PPP1R1C: variants seen among roughly 807,000 people sequenced by gnomAD.
The protein encoded by PPP1R1C is protein phosphatase 1 regulatory inhibitor subunit 1C.
A neutral mutation model predicts 17.4 loss-of-function variants in PPP1R1C; 15 were observed. The observed-to-expected ratio is 0.86, with a 90% CI of 0.58 to 1.33. The LOEUF (loss-of-function observed/expected upper bound fraction) is 1.33. Ranked by LOEUF, PPP1R1C falls within the 40% of genes most tolerant of loss-of-function variation. PPP1R1C has a pLI of 0.00. For synonymous variants in PPP1R1C, 35 were observed against 43.1 expected (o/e 0.81, Z 0.73); for missense variants, 143 against 130.0 (o/e 1.10, Z -0.48).
intron 2 of PPP1R1C, among the ~76,000 whole-genome samples, chr2:182,004,834 A>C (rs1363674327): frequency 6.6e-6 from 1 of 152,204 alleles, no homozygotes; most frequent in Non-Finnish European, 1.5e-5. Flanking sequence ...GATTTATTGG[A>C]TGGCAAAATT....
chr2:182,054,466 G>T (rs552646549), intron 2 of PPP1R1C, among the ~76,000 whole-genome samples: 1 of 151,882 alleles, frequency 6.6e-6, no homozygotes, highest in African/African-American at 2.4e-5. Context: ...CACTATTCTT[G>T]ATCCCTGGCA....
chr2:182,118,489 A>G (rs535862665), downstream of PPP1R1C, among the ~76,000 whole-genome samples: 2 of 152,324 alleles, frequency 1.3e-5, no homozygotes, highest in Admixed American at 1.3e-4. Context: ...ATAAAAAATA[A>G]AAAGATTTCT....
At chr2:182,003,271 C>T (rs1162381941) in intron 2 of PPP1R1C, among the ~76,000 whole-genome samples, 2 of 152,140 alleles carry the variant, frequency 1.3e-5, no homozygotes, top group East Asian at 3.9e-4. Context: ...ACAACTATAA[C>T]ACTTAGATTT....
intron 1 of PPP1R1C, among the ~76,000 whole-genome samples, chr2:181,973,792 T>C (rs766042533): frequency 6.6e-6 from 1 of 152,216 alleles, no homozygotes; most frequent in African/African-American, 2.4e-5. Flanking sequence ...GAATACAGCA[T>C]GTAATGTATG....
chr2:181,963,985 A>G (rs1414874573), intron 1 of PPP1R1C, among the ~76,000 whole-genome samples: 2 of 152,138 alleles, frequency 1.3e-5, no homozygotes, highest in African/African-American at 4.8e-5. Flanking sequence ...ACTTTTAGTT[A>G]TTTTAAATGT....
At chr2:182,113,780 T>C (rs1052029416) in intron 4 of PPP1R1C, among the ~76,000 whole-genome samples, 1 of 152,218 alleles carries the variant, frequency 6.6e-6, no homozygotes, top group South Asian at 2.1e-4. Flanking sequence ...CTCTTTGCCA[T>C]TCATGTCATC....
chr2:181,966,719 G>C (rs952614060), intron 1 of PPP1R1C, among the ~76,000 whole-genome samples: 1 of 152,064 alleles, frequency 6.6e-6, no homozygotes, highest in African/African-American at 2.4e-5. Flanking sequence ...CTAGTATTTT[G>C]TTAAGGGTTT....
intron 1 of PPP1R1C, among the ~76,000 whole-genome samples, chr2:181,959,784 G>A (rs1049469792): frequency 2.6e-5 from 4 of 152,146 alleles, no homozygotes; most frequent in African/African-American, 9.7e-5. Flanking sequence ...AAAGCTTTGA[G>A]CAGTATGCCT....
At chr2:182,033,567 C>A (rs1368185438) in intron 2 of PPP1R1C, among the ~76,000 whole-genome samples, 3 of 152,158 alleles carry the variant, frequency 2.0e-5, no homozygotes, top group Admixed American at 2.0e-4. Flanking sequence ...AAATATTTCT[C>A]AAATGTGGCC....
At chr2:182,073,175 G>T (rs968778793) in intron 4 of PPP1R1C, among the ~76,000 whole-genome samples, 181 of 152,300 alleles carry the variant, frequency 1.2e-3, no homozygotes, top group Non-Finnish European at 1.8e-3. Context: ...TTTTAGCTGT[G>T]CTTCTTTGAG....
intron 4 of PPP1R1C, among the ~76,000 whole-genome samples, chr2:182,101,506 A>T (rs1326929041): frequency 6.6e-6 from 1 of 152,152 alleles, no homozygotes; most frequent in East Asian, 1.9e-4. Context: ...ATAAAGCATG[A>T]AAGGGAACTC....
At chr2:182,047,841 A>T (rs1456757651) in intron 2 of PPP1R1C, among the ~76,000 whole-genome samples, 1 of 152,196 alleles carries the variant, frequency 6.6e-6, no homozygotes, top group Non-Finnish European at 1.5e-5. Context: ...TATGAAATAT[A>T]AGCAGAAAGG....
At chr2:182,111,812 A>G (rs549495196) in intron 4 of PPP1R1C, among the ~76,000 whole-genome samples, 1 of 152,116 alleles carries the variant, frequency 6.6e-6, no homozygotes, top group East Asian at 1.9e-4. Flanking sequence ...TAGGGTGCCA[A>G]TACTCAAGGA....
chr2:182,120,486 TC>T, downstream of PPP1R1C, among the ~76,000 whole-genome samples: 1 of 152,298 alleles, frequency 6.6e-6, no homozygotes, highest in Middle Eastern at 3.4e-3. Flanking sequence ...TCACCACCGA[TC>T]CCCTGACTTT....
intron 2 of PPP1R1C, among the ~76,000 whole-genome samples, chr2:182,029,181 G>T (rs1686728195): frequency 6.8e-6 from 1 of 148,068 alleles, no homozygotes. Flanking sequence ...GCCAGTCTGT[G>T]TCTTTTAATT....
intron 2 of PPP1R1C, among the ~76,000 whole-genome samples, chr2:182,006,143 A>G (rs1281913764): frequency 6.6e-6 from 1 of 152,140 alleles, no homozygotes; most frequent in Non-Finnish European, 1.5e-5. Flanking sequence ...GGGTCCCCAA[A>G]GATCAGTAGT....
intron 2 of PPP1R1C, among the ~76,000 whole-genome samples, chr2:181,992,796 TA>T (rs140631241): frequency 0.042 from 3,353 of 80,748 alleles, 739 homozygotes; most frequent in African/African-American, 0.14. Context: ...AAATCAAGAA[TA>T]AAAACAAAGG....
intron 1 of PPP1R1C, among the ~76,000 whole-genome samples, chr2:181,971,349 G>A (rs954958989): frequency 6.6e-6 from 1 of 152,166 alleles, no homozygotes; most frequent in African/African-American, 2.4e-5. Context: ...TCGAGGGTGT[G>A]TCTAGAAATG....
intron 2 of PPP1R1C, among the ~76,000 whole-genome samples, chr2:182,056,134 T>G (rs1687677966): frequency 6.6e-6 from 1 of 152,194 alleles, no homozygotes; most frequent in African/African-American, 2.4e-5. Context: ...GACCACTTTC[T>G]CCCGTCTCGC....
Sources: gnomAD v4.1 joint callset for allele counts (sites outside exome capture counted in the v4.1 genomes callset) on GRCh38, gnomAD v4.1.1 for gene constraint, MANE v1.5 for transcripts, NCBI Gene and HGNC (gene_info 2026-07-23, HGNC 2026-07-21) for gene names.